PPP1R7: variants seen among roughly 807,000 people sequenced by gnomAD.
PPP1R7 encodes protein phosphatase 1 regulatory subunit 7.
PPP1R7 carries 18 observed loss-of-function variants against 45.2 expected under a neutral mutation model. That is an observed-to-expected ratio of 0.40 (90% CI 0.28 to 0.59). The LOEUF (loss-of-function observed/expected upper bound fraction) is 0.59, where lower values mean the gene tolerates loss of function less well. Among genes scored for constraint, PPP1R7 ranks in the 20% least tolerant of loss-of-function variants. The pLI, the probability that PPP1R7 is intolerant of heterozygous loss-of-function variation, is 0.46. For synonymous variants in PPP1R7, 181 were observed against 183.4 expected (o/e 0.99, Z 0.11); for missense variants, 314 against 455.8 (o/e 0.69, Z 2.83).
rs1574742898 is a variant in PPP1R7, at chr2:241,183,136, A to T, written c.*313A>T. On this transcript the variant is annotated 3_prime_UTR_variant, in exon 10 of 10. Transcript: ENST00000234038. The stretch of plus-strand genomic sequence containing the variant: ...CTCTCAGAAGGCAGTCACAGTCCCT[A>T]CCTGAGTCGTGTGAAACACAGGGCC... 5 of 410,522 alleles carry T rather than the reference A, an allele frequency of 1.2e-5. No homozygotes were observed. The highest frequency in any genetic ancestry group is 2.3e-5 in the Non-Finnish European group (5 of 216,524). 25.4% of individuals were successfully genotyped at this position (410,522 alleles called of 1,614,324 possible). A position where few individuals can be genotyped will look rare whatever the true frequency, so the allele number is the denominator to read the frequency against.
At chr2:241,149,713 G>C (rs1340484066), upstream of PPP1R7, 6 of 1,550,772 alleles carry the variant, frequency 3.9e-6, no homozygotes, top group Non-Finnish European at 5.2e-6. Flanking sequence ...AAATGGGTGA[G>C]TAGCGCAGAG....
At chr2:241,165,486 T>C (rs1395684856) in intron 7 of PPP1R7, among the ~76,000 whole-genome samples, 1 of 152,202 alleles carries the variant, frequency 6.6e-6, no homozygotes, top group African/African-American at 2.4e-5. Context: ...ATTCTTTATA[T>C]AAAAAACATG....
At chr2:241,162,682 A>G (rs1265302868) in intron 6 of PPP1R7, among the ~76,000 whole-genome samples, 2 of 129,798 alleles carry the variant, frequency 1.5e-5, no homozygotes, top group African/African-American at 3.2e-5. Flanking sequence ...TCTTGGGAGG[A>G]CTTTTTTTTT....
intron 9 of PPP1R7, among the ~76,000 whole-genome samples, chr2:241,173,269 C>CAAAAAAA (rs540011262): frequency 0.016 from 1,473 of 90,546 alleles, 116 homozygotes; most frequent in African/African-American, 0.084. Flanking sequence ...AAGACTTTCT[C>CAAAAAAA]AAAAAAAAAA....
chr2:241,155,533 A>G (rs900101687), intron 2 of PPP1R7, among the ~76,000 whole-genome samples: 1 of 152,120 alleles, frequency 6.6e-6, no homozygotes, highest in African/African-American at 2.4e-5. Context: ...CCTTCTACCT[A>G]TTTTCCTTAA....
At chr2:241,166,627 A>G (rs1397894563) in intron 8 of PPP1R7, among the ~76,000 whole-genome samples, 186 bp downstream of exon 8, 2 of 152,224 alleles carry the variant, frequency 1.3e-5, no homozygotes, top group East Asian at 1.9e-4. Flanking sequence ...TGAAAAGTGC[A>G]GGAGCTGTGT....
intron 9 of PPP1R7, among the ~76,000 whole-genome samples, chr2:241,178,004 C>T (rs1038439130): frequency 1.1e-4 from 17 of 152,272 alleles, no homozygotes; most frequent in African/African-American, 3.9e-4. Context: ...CTCCATGCCA[C>T]AGCTGTGCTT....
At chr2:241,158,811 G>T (rs1246784989) in intron 4 of PPP1R7, 3 of 502,772 alleles carry the variant, frequency 6.0e-6, no homozygotes, top group African/African-American at 3.8e-5. Context: ...CTCGGTTTCT[G>T]TGCCTGTGTT....
intron 4 of PPP1R7, chr2:241,158,834 C>T (rs960778207): frequency 3.0e-5 from 14 of 473,896 alleles, no homozygotes; most frequent in Admixed American, 6.8e-5. Flanking sequence ...ATTAGGCACT[C>T]GCTGACTTTT....
intron 2 of PPP1R7, among the ~76,000 whole-genome samples, chr2:241,157,012 A>G (rs559183971): frequency 1.3e-5 from 2 of 152,202 alleles, no homozygotes; most frequent in East Asian, 3.9e-4. Context: ...TTCAGCACAC[A>G]TGCTGAAGTA....
At chr2:241,163,436 C>G in intron 7 of PPP1R7, 35 bp downstream of exon 7, 6 of 1,452,342 alleles carry the variant, frequency 4.1e-6, no homozygotes, top group Non-Finnish European at 5.8e-6. Flanking sequence ...TCCCTGCGAG[C>G]CCTGGCAGGG....
At chr2:241,166,475 G>A (rs1162663427) in intron 8 of PPP1R7, 34 bp downstream of exon 8, 5 of 1,596,428 alleles carry the variant, frequency 3.1e-6, no homozygotes, top group Non-Finnish European at 3.4e-6. Context: ...GGGCTGTGTG[G>A]GCGGTGGGCA....
intron 9 of PPP1R7, among the ~76,000 whole-genome samples, chr2:241,172,775 T>C (rs1469429553): frequency 2.6e-5 from 4 of 152,194 alleles, no homozygotes; most frequent in African/African-American, 9.6e-5. Flanking sequence ...TCTATTGTTT[T>C]GTCGTGCATT....
chr2:241,158,029 T>C (rs939612384), intron 3 of PPP1R7, among the ~76,000 whole-genome samples, 167 bp downstream of exon 3: 4 of 152,212 alleles, frequency 2.6e-5, no homozygotes, highest in African/African-American at 9.6e-5. Context: ...GTTATCCCCA[T>C]GTCTATTCGA....
At chr2:241,174,137 G>A (rs2067868854) in intron 9 of PPP1R7, among the ~76,000 whole-genome samples, 1 of 152,148 alleles carries the variant, frequency 6.6e-6, no homozygotes, top group Non-Finnish European at 1.5e-5. Flanking sequence ...TTGTTTTTAA[G>A]CTTTATTAGA....
intron 8 of PPP1R7, chr2:241,167,001 A>G (rs767058261): frequency 6.3e-7 from 1 of 1,576,970 alleles, no homozygotes; most frequent in South Asian, 1.1e-5. Context: ...ACCTGTCCTC[A>G]CCTGTTCATG....
At chr2:241,160,701 T>A (rs1212769523) in intron 6 of PPP1R7, among the ~76,000 whole-genome samples, 1 of 152,266 alleles carries the variant, frequency 6.6e-6, no homozygotes, top group Non-Finnish European at 1.5e-5. Flanking sequence ...GTCTAGCCTT[T>A]CTTCCGCACG....
chr2:241,162,087 C>T (rs1422261679), intron 6 of PPP1R7, among the ~76,000 whole-genome samples: 2 of 152,208 alleles, frequency 1.3e-5, no homozygotes, highest in Non-Finnish European at 2.9e-5. Flanking sequence ...TTAGAGATGT[C>T]ATGGCCACAA....
chr2:241,154,866 A>G (rs535977914), intron 2 of PPP1R7, among the ~76,000 whole-genome samples: 1 of 152,370 alleles, frequency 6.6e-6, no homozygotes, highest in African/African-American at 2.4e-5. Context: ...ATAATCATGC[A>G]TCCCTTATGA....
Sources: allele counts gnomAD v4.1 joint callset (sites outside exome capture counted in the v4.1 genomes callset), GRCh38; gene constraint gnomAD v4.1.1; transcripts MANE v1.5; gene names NCBI Gene and HGNC (gene_info 2026-07-23, HGNC 2026-07-21).